FHIT: variants seen among roughly 807,000 people sequenced by gnomAD.
FHIT encodes the protein bis(5'-adenosyl)-triphosphatase.
A neutral mutation model predicts 17.9 loss-of-function variants in FHIT; 19 were observed. The ratio of observed to expected loss-of-function variants is 1.06; its 90% CI spans 0.74 to 1.56. FHIT has a LOEUF of 1.56. Among genes scored for constraint, FHIT ranks in the 40% most tolerant of loss-of-function variants. The probability of loss-of-function intolerance (pLI) is 0.00; values close to 1 mark genes in which losing one functional copy is unlikely to be tolerated. For synonymous variants in FHIT, 81 were observed against 69.7 expected (o/e 1.16, Z -0.81); for missense variants, 248 against 189.2 (o/e 1.31, Z -1.82).
chr3:60,317,290 A>G (rs1709205702), intron 5 of FHIT, among the ~76,000 whole-genome samples: 1 of 152,026 alleles, frequency 6.6e-6, no homozygotes, highest in African/African-American at 2.4e-5. Flanking sequence ...ATATATAACT[A>G]AATTTTCCTG....
At chr3:59,887,996 T>G (rs560874228) in intron 8 of FHIT, among the ~76,000 whole-genome samples, 14 of 152,330 alleles carry the variant, frequency 9.2e-5, no homozygotes, top group Admixed American at 4.6e-4. Flanking sequence ...ATAAAATCTT[T>G]TTTGATTAAA....
chr3:61,210,235 T>A (rs1055569385), intron 1 of FHIT, among the ~76,000 whole-genome samples: 1 of 152,216 alleles, frequency 6.6e-6, no homozygotes, highest in African/African-American at 2.4e-5. Context: ...TACCTCCCAG[T>A]TAGGCTACTC....
At chr3:60,263,801 A>C (rs1191523414) in intron 5 of FHIT, among the ~76,000 whole-genome samples, 1 of 151,944 alleles carries the variant, frequency 6.6e-6, no homozygotes, top group Non-Finnish European at 1.5e-5. Flanking sequence ...ATTAAAACTA[A>C]AGAAATAAAG....
At chr3:60,530,134 G>A (rs780562548) in intron 5 of FHIT, among the ~76,000 whole-genome samples, 1 of 152,122 alleles carries the variant, frequency 6.6e-6, no homozygotes, top group Non-Finnish European at 1.5e-5. Flanking sequence ...TGGAAGACAG[G>A]TCAAGATCAA....
intron 5 of FHIT, among the ~76,000 whole-genome samples, chr3:60,404,583 T>C (rs1701781692): frequency 6.6e-6 from 1 of 152,166 alleles, no homozygotes; most frequent in Admixed American, 6.5e-5. Flanking sequence ...CTCTCCACCA[T>C]AGAACTTGTA....
intron 5 of FHIT, among the ~76,000 whole-genome samples, chr3:60,065,724 G>C (rs1451333135): frequency 6.6e-6 from 1 of 152,114 alleles, no homozygotes; most frequent in Non-Finnish European, 1.5e-5. Context: ...ACTCTGCTCA[G>C]TTTGCCCATT....
At chr3:61,161,753 ACTCT>A (rs2037701809) in intron 2 of FHIT, among the ~76,000 whole-genome samples, 1 of 152,280 alleles carries the variant, frequency 6.6e-6, no homozygotes, top group Admixed American at 6.5e-5. Flanking sequence ...AAATAAAAAG[ACTCT>A]CTAGCTAGAG....
intron 3 of FHIT, among the ~76,000 whole-genome samples, chr3:60,927,803 G>A (rs1707726782): frequency 6.6e-6 from 1 of 152,256 alleles, no homozygotes; most frequent in African/African-American, 2.4e-5. Context: ...ATCCATCTGG[G>A]AGGTGTACCC....
intron 2 of FHIT, among the ~76,000 whole-genome samples, chr3:61,066,936 C>G (rs1025595243): frequency 1.3e-5 from 2 of 152,212 alleles, no homozygotes; most frequent in African/African-American, 4.8e-5. Flanking sequence ...AACTGTCCAT[C>G]TGATAGAAGG....
At chr3:60,532,058 G>A (rs893843640) in intron 5 of FHIT, among the ~76,000 whole-genome samples, 2 of 152,132 alleles carry the variant, frequency 1.3e-5, no homozygotes, top group Admixed American at 1.3e-4. Context: ...TATGGCCCTG[G>A]TAACATTCTG....
At position 60,555,740 on chromosome 3, in the gene FHIT, A is replaced by G. The variant is rs548504249; in HGVS notation, c.-17-18761T>C. Among the ~76,000 whole-genome samples, 5 of 152,312 alleles carry G rather than the reference A, an allele frequency of 3.3e-5. No homozygotes were observed. The East Asian group carries it at 9.7e-4, about 29-fold the overall frequency. On this transcript the variant is annotated intron_variant, in intron 4 of 9. Coordinates refer to ENST00000492590, the MANE Select transcript of FHIT (RefSeq NM_002012.4). ...TTATTAGCTTACTGTTACCAACAGT[A>G]ATGAGGCTCTGGCTGCCTACTGGGG...
chr3:59,845,306 AATCTT>A (rs1701678677), intron 8 of FHIT, among the ~76,000 whole-genome samples: 1 of 151,386 alleles, frequency 6.6e-6, no homozygotes, highest in Non-Finnish European at 1.5e-5. Context: ...TCTTTGCTCT[AATCTT>A]TATTCTTTCC....
At chr3:61,014,673 G>C (rs1443087352) in intron 3 of FHIT, among the ~76,000 whole-genome samples, 1 of 149,596 alleles carries the variant, frequency 6.7e-6, no homozygotes, top group Admixed American at 6.7e-5. Flanking sequence ...CCAGCTACTT[G>C]GGAGGCTGAG....
intron 4 of FHIT, among the ~76,000 whole-genome samples, chr3:60,666,632 T>G (rs1553692513): frequency 6.6e-6 from 1 of 152,170 alleles, no homozygotes; most frequent in Non-Finnish European, 1.5e-5. Flanking sequence ...TTTCACCAAA[T>G]TAGTTAAGTT....
chr3:60,563,310 G>C (rs910108408), intron 4 of FHIT, among the ~76,000 whole-genome samples: 1 of 152,204 alleles, frequency 6.6e-6, no homozygotes, highest in Non-Finnish European at 1.5e-5. Flanking sequence ...GATGGTCAAA[G>C]AACCAGTCAG....
intron 5 of FHIT, among the ~76,000 whole-genome samples, chr3:60,437,944 G>T (rs1467265252): frequency 6.6e-6 from 1 of 151,898 alleles, no homozygotes; most frequent in Non-Finnish European, 1.5e-5. Context: ...AATGTATCAT[G>T]GTAATTTACA....
At position 60,280,874 on chromosome 3, in the gene FHIT, G is replaced by A. The variant is rs571194420; in HGVS notation, c.103+255986C>T. 4.0e-5 allele frequency among the ~76,000 whole-genome samples: 6 copies of A among 151,568 alleles called. 1 individual carries two copies. The highest frequency in any genetic ancestry group is 4.2e-4 in the South Asian group (2 of 4,764). ...AAGAATATTAAGAAAAAGATATAAC[G>A]ATTGGGAAGAAGAAAATAAAACTGT... On this transcript the variant is annotated intron_variant, in intron 5 of 9. Coordinates refer to ENST00000492590, the MANE Select transcript of FHIT (RefSeq NM_002012.4).
intron 5 of FHIT, among the ~76,000 whole-genome samples, chr3:60,406,693 G>A (rs1701872672): frequency 6.6e-6 from 1 of 151,636 alleles, no homozygotes; most frequent in African/African-American, 2.4e-5. Context: ...GGTGTGGGGT[G>A]GGGTGGGGTA....
intron 4 of FHIT, among the ~76,000 whole-genome samples, chr3:60,574,239 T>C (rs2037489027): frequency 6.6e-6 from 1 of 152,148 alleles, no homozygotes; most frequent in Non-Finnish European, 1.5e-5. Context: ...CCTTTTATCC[T>C]GACTTCTTTC....
Sources: allele counts gnomAD v4.1 joint callset (sites outside exome capture counted in the v4.1 genomes callset), GRCh38; gene constraint gnomAD v4.1.1; transcripts MANE v1.5; gene names NCBI Gene and HGNC (gene_info 2026-07-23, HGNC 2026-07-21).